SESN1: variants seen among roughly 807,000 people sequenced by gnomAD.
SESN1 encodes sestrin-1.
SESN1 carries 30 observed loss-of-function variants against 59.3 expected under a neutral mutation model. The ratio of observed to expected loss-of-function variants is 0.51; its 90% confidence interval spans 0.38 to 0.69. The LOEUF is 0.69. Ranked by LOEUF, SESN1 falls within the 30% of genes least tolerant of loss-of-function variation. The pLI is 0.00. For synonymous variants in SESN1, 197 were observed against 219.9 expected, an observed-to-expected ratio of 0.90 and a Z score of 0.92; for missense variants, 566 against 673.0, an observed-to-expected ratio of 0.84 and a Z score of 1.76.
chr6:109,073,206 C>T (rs1315657116), intron 1 of SESN1, among the ~76,000 whole-genome samples: 1 of 151,678 alleles, frequency 6.6e-6, no homozygotes, highest in Admixed American at 6.6e-5. Context: ...TTTAAAGTGG[C>T]ACCTGCAAAA....
intron 1 of SESN1, among the ~76,000 whole-genome samples, chr6:109,063,404 G>A (rs1206315312): frequency 6.6e-6 from 1 of 152,164 alleles, no homozygotes; most frequent in African/African-American, 2.4e-5. Context: ...AATTTTCCAT[G>A]AGCCATACCC....
chr6:109,001,198 G>C, intron 3 of SESN1, 90 bp downstream of exon 3: 1 of 1,047,728 alleles, frequency 9.5e-7, no homozygotes, highest in Non-Finnish European at 1.4e-6. Context: ...CATAATCTAA[G>C]TATTTATCCC....
intron 1 of SESN1, among the ~76,000 whole-genome samples, chr6:109,080,173 T>G (rs1781097017): frequency 6.6e-6 from 1 of 152,170 alleles, no homozygotes; most frequent in Non-Finnish European, 1.5e-5. Context: ...AAGGGGACGT[T>G]CAGCACTGCA....
At chr6:109,001,168 A>G in intron 3 of SESN1, 120 bp downstream of exon 3, 1 of 854,300 alleles carries the variant, frequency 1.2e-6, no homozygotes, top group South Asian at 1.9e-5. Context: ...AGACTGTGCA[A>G]CAGGAATCAT....
At chr6:109,077,407 T>A (rs1157061821) in intron 1 of SESN1, among the ~76,000 whole-genome samples, 1 of 152,200 alleles carries the variant, frequency 6.6e-6, no homozygotes, top group Non-Finnish European at 1.5e-5. Flanking sequence ...TGTTTCCTCA[T>A]CTATAAAAAC....
rs371478326 is a variant in SESN1 at position 109,067,857 on chromosome 6, TTG to T, written c.279+25936_279+25937del. Among the ~76,000 whole-genome samples, 7 of 152,366 alleles carry T rather than the reference TTG, an allele frequency of 4.6e-5. No homozygotes were observed. In the East Asian group the frequency reaches 7.7e-4, roughly 17 times the overall value. ...TGTATCTGCCCTACTCTACCCTGTT[TTG>T]TGCTTCAAAATGCTCACCACTATGG... On this transcript the variant is annotated intron_variant, in intron 1 of 9. Coordinates refer to ENST00000436639, the MANE Select transcript of SESN1 (RefSeq NM_014454.3).
At chr6:109,022,763 T>C (rs1780032890) in intron 1 of SESN1, among the ~76,000 whole-genome samples, 1 of 152,016 alleles carries the variant, frequency 6.6e-6, no homozygotes, top group Non-Finnish European at 1.5e-5. Context: ...CATAACACCT[T>C]AGGTACATGC....
At chr6:109,064,207 G>A (rs1274991436) in intron 1 of SESN1, among the ~76,000 whole-genome samples, 1 of 151,726 alleles carries the variant, frequency 6.6e-6, no homozygotes, top group Non-Finnish European at 1.5e-5. Context: ...TTTCCTACAG[G>A]CCATATGATC....
At chr6:109,070,923 C>T (rs1050833973) in intron 1 of SESN1, among the ~76,000 whole-genome samples, 26 of 152,198 alleles carry the variant, frequency 1.7e-4, no homozygotes, top group African/African-American at 5.5e-4. Context: ...GTAGTAAGAG[C>T]GTATAAGAAA....
Position 109,094,008 on chromosome 6 carries a change from C to G in SESN1, c.66G>C (p.Glu22Asp). Residue 22 changes from glutamate to aspartate, a missense_variant, in exon 1 of 10, where the codon GAG becomes GAC. Physicochemically the swap from Glu to Asp is conservative, Grantham distance 45 (BLOSUM62 2). Coordinates refer to ENST00000436639, the MANE Select transcript of SESN1 (RefSeq NM_014454.3). ...GLCSRDSTTR[E>D]TALENIRQTI... is the part of the protein sequence containing the mutation. ...TTTGCCTAATGTTTTCCAATGCTGT[C>G]TCCCTAGTAGTTGAATCTCTGCTGC... 6 of 1,614,222 alleles carry G rather than the reference C, an allele frequency of 3.7e-6. No homozygotes were observed. The highest frequency in any genetic ancestry group is 4.2e-6 in the Non-Finnish European group (5 of 1,180,032).
intron 1 of SESN1, among the ~76,000 whole-genome samples, chr6:109,010,380 T>C (rs997504659): frequency 6.6e-6 from 1 of 152,124 alleles, no homozygotes; most frequent in Admixed American, 6.5e-5. Context: ...AGAAACAAAT[T>C]CCTAAATTAG....
intron 1 of SESN1, among the ~76,000 whole-genome samples, chr6:109,056,276 G>A (rs182070489): frequency 5.1e-4 from 78 of 152,176 alleles, no homozygotes; most frequent in Admixed American, 1.5e-3. Flanking sequence ...GCATGGTAGC[G>A]TACACCTTTC....
chr6:109,023,258 T>C (rs1780039107), intron 1 of SESN1, among the ~76,000 whole-genome samples: 1 of 152,256 alleles, frequency 6.6e-6, no homozygotes, highest in South Asian at 2.1e-4. Flanking sequence ...CATTTCTCCC[T>C]GACACTTGAA....
Position 109,094,299 on chromosome 6 carries a change from G to C in SESN1, c.-226C>G. 2 of 541,272 alleles carry C rather than the reference G, an allele frequency of 3.7e-6. No homozygotes were observed. The highest frequency in any genetic ancestry group is 2.5e-5 in the South Asian group (1 of 40,302). 33.5% of individuals were successfully genotyped at this position (541,272 alleles called of 1,614,324 possible). A position where few individuals can be genotyped will look rare whatever the true frequency, so the allele number is the denominator to read the frequency against. Reference sequence around the variant, plus strand: ...ACACGAAAGGGCAGTCTTCTTTCTGGAAAAACAAAGTTTGAAAGTTGCAAC... The same window carrying C: ...ACACGAAAGGGCAGTCTTCTTTCTGCAAAAACAAAGTTTGAAAGTTGCAAC... On this transcript the variant is annotated 5_prime_UTR_variant, in exon 1 of 10. Coordinates refer to ENST00000436639, the MANE Select transcript of SESN1 (RefSeq NM_014454.3).
At chr6:109,034,530 T>C (rs889764883) in intron 1 of SESN1, among the ~76,000 whole-genome samples, 9 of 152,344 alleles carry the variant, frequency 5.9e-5, no homozygotes, top group African/African-American at 2.2e-4. Flanking sequence ...TTCCCTAGCA[T>C]CTATTCTCTC....
At chr6:109,001,149 GA>G in intron 3 of SESN1, 138 bp downstream of exon 3, 1 of 747,008 alleles carries the variant, frequency 1.3e-6, no homozygotes, top group Non-Finnish European at 2.1e-6. Context: ...TTAAAAATAG[GA>G]AAAACAGAGA....
chr6:109,049,586 C>G (rs1160567280), intron 1 of SESN1, among the ~76,000 whole-genome samples: 1 of 151,820 alleles, frequency 6.6e-6, no homozygotes, highest in African/African-American at 2.4e-5. Context: ...TGCTAATTAT[C>G]CTGATCTGAT....
At chr6:108,988,376 A>G in intron 9 of SESN1, 167 bp downstream of exon 9, 2 of 541,482 alleles carry the variant, frequency 3.7e-6, no homozygotes, top group Non-Finnish European at 6.3e-6. Flanking sequence ...TACTCTATCA[A>G]CATAATCAGG....
chr6:109,007,540 T>C (rs1779757722), intron 1 of SESN1, among the ~76,000 whole-genome samples: 1 of 152,180 alleles, frequency 6.6e-6, no homozygotes, highest in Non-Finnish European at 1.5e-5. Context: ...CATGTGTTTT[T>C]TGAAAAACAT....
Sources: gnomAD v4.1 joint callset for allele counts (sites outside exome capture counted in the v4.1 genomes callset) on GRCh38, gnomAD v4.1.1 for gene constraint, MANE v1.5 for transcripts, NCBI Gene and HGNC (gene_info 2026-07-23, HGNC 2026-07-21) for gene names.